The following ATP5PB variants were observed in gnomAD, a reference collection of about 807,000 sequenced individuals.
ATP5PB encodes ATP synthase peripheral stalk-membrane subunit b.
In ATP5PB, 21 loss-of-function variants were observed where a neutral mutation model predicts 34.5. The ratio of observed to expected loss-of-function variants is 0.61; its 90% CI spans 0.43 to 0.88. The LOEUF (loss-of-function observed/expected upper bound fraction) is 0.88. Among genes scored for constraint, ATP5PB ranks in the 40% least tolerant of loss-of-function variants. The pLI is 0.00. For missense variants in ATP5PB, 293 were observed against 317.4 expected (o/e 0.92, Z 0.58); for synonymous variants, 108 against 114.1 (o/e 0.95, Z 0.34).
In ATP5PB at chr1:111,461,169, G is replaced by A; in HGVS notation, c.*175G>A. The A allele has an allele frequency of 1.8e-6, 1 of 561,202 alleles. No homozygotes were observed. The highest frequency in any genetic ancestry group is 2.1e-5 in the South Asian group (1 of 46,596). The allele number at this position is 561,202 out of a possible 1,614,324, so 34.8% of individuals were successfully genotyped here. A position where few individuals can be genotyped will look rare whatever the true frequency, so the allele number is the denominator to read the frequency against. Reference sequence around the variant, plus strand: ...CGAAATCTCTATCGGCCAGTCAGATGTTTCTCATCCTTCTTGCTCTGCCTT... The same window carrying A: ...CGAAATCTCTATCGGCCAGTCAGATATTTCTCATCCTTCTTGCTCTGCCTT... On this transcript the variant is annotated 3_prime_UTR_variant, in exon 7 of 7. Transcript: ENST00000369722.
At chr1:111,460,805 C>A in intron 6 of ATP5PB, 112 bp from the exon 7 acceptor site, 1 of 784,546 alleles carries the variant, frequency 1.3e-6, no homozygotes, top group Non-Finnish European at 2.1e-6. Flanking sequence ...AGCCAGTAAT[C>A]ATCTTGAGGT....
At chr1:111,459,866 C>T (rs867702329) in intron 6 of ATP5PB, among the ~76,000 whole-genome samples, 58 of 152,080 alleles carry the variant, frequency 3.8e-4, no homozygotes, top group African/African-American at 1.4e-3. Flanking sequence ...TATTTAATTT[C>T]TCTATAAAAT....
In ATP5PB at chr1:111,455,168, C is replaced by T. The variant is rs374407980; in HGVS notation, c.223+812C>T. Among the ~76,000 whole-genome samples the T allele has an allele frequency of 2.0e-5, 3 of 151,808 alleles. No individual in the cohort carries two copies. In the South Asian group the frequency reaches 6.2e-4, roughly 32 times the overall value. ...AACCGAAGATTGTTTTTTTTTTAGC[C>T]CTGGAGTCACCTAAAGTAGCATTTT... On this transcript the variant is annotated intron_variant, in intron 3 of 6. Transcript: ENST00000369722.
At chr1:111,450,633 G>A (rs1038782580) in intron 2 of ATP5PB, among the ~76,000 whole-genome samples, 6 of 152,146 alleles carry the variant, frequency 3.9e-5, no homozygotes, top group Non-Finnish European at 5.9e-5. Context: ...AGCTGTTACC[G>A]TTAAAATTGT....
chr1:111,459,326 A>G (rs1653554994), intron 5 of ATP5PB, 131 bp from the exon 6 acceptor site: 1 of 819,324 alleles, frequency 1.2e-6, no homozygotes, highest in Non-Finnish European at 1.8e-6. Context: ...CTAGGTACAT[A>G]TTACCTATTA....
chr1:111,460,359 C>G (rs561036635), intron 6 of ATP5PB, among the ~76,000 whole-genome samples: 293 of 144,398 alleles, frequency 2.0e-3, no homozygotes, highest in Non-Finnish European at 3.5e-3. Flanking sequence ...TTTTCTTTCT[C>G]GAGTTTATAA....
intron 5 of ATP5PB, among the ~76,000 whole-genome samples, chr1:111,457,355 G>C (rs1481118336): frequency 6.8e-6 from 1 of 147,198 alleles, no homozygotes; most frequent in Non-Finnish European, 1.5e-5. Flanking sequence ...AACAAATTCA[G>C]ATAGCAGTAG....
At chr1:111,453,760 A>C (rs1179928654) in intron 2 of ATP5PB, among the ~76,000 whole-genome samples, 1 of 152,194 alleles carries the variant, frequency 6.6e-6, no homozygotes, top group Admixed American at 6.5e-5. Flanking sequence ...TATTAACTCA[A>C]TTAATCCTCT....
intron 6 of ATP5PB, 68 bp downstream of exon 6, chr1:111,459,704 G>A: frequency 6.6e-7 from 1 of 1,509,482 alleles, no homozygotes; most frequent in Non-Finnish European, 9.0e-7. Context: ...CTGATGTTTT[G>A]TTAAGGTAGG....
chr1:111,451,066 ATTC>A, intron 2 of ATP5PB, among the ~76,000 whole-genome samples: 1 of 152,114 alleles, frequency 6.6e-6, no homozygotes, highest in Non-Finnish European at 1.5e-5. Context: ...TTGCATCTCT[ATTC>A]TTGTCCCATT....
At chr1:111,454,656 T>TGG (rs1653420903) in intron 3 of ATP5PB, among the ~76,000 whole-genome samples, 1 of 152,132 alleles carries the variant, frequency 6.6e-6, no homozygotes, top group African/African-American at 2.4e-5. Flanking sequence ...TAGCCCAGGC[T>TGG]GGTCTCCAAC....
chr1:111,455,776 C>T (rs1201176339), intron 3 of ATP5PB, among the ~76,000 whole-genome samples: 3 of 152,130 alleles, frequency 2.0e-5, no homozygotes, highest in African/African-American at 4.8e-5. Flanking sequence ...GGGTATTGTG[C>T]TTAACATTAT....
chr1:111,456,372 G>GT, intron 4 of ATP5PB, 123 bp downstream of exon 4: 1 of 1,171,748 alleles, frequency 8.5e-7, no homozygotes, highest in Non-Finnish European at 1.2e-6. Context: ...CTTCAAATAA[G>GT]TGTTAACGTT....
chr1:111,459,892 C>A lies in ATP5PB; in HGVS notation c.693+256C>A, dbSNP rs530359075. Reference sequence around the variant, plus strand: ...TCTATAAAATAGACTGGGCTGGGCACGGTGGCTCACACCTGTAATCCCAAC... The same window carrying A: ...TCTATAAAATAGACTGGGCTGGGCAAGGTGGCTCACACCTGTAATCCCAAC... On this transcript the variant is annotated intron_variant, in intron 6 of 6. Coordinates refer to ENST00000369722, the MANE Select transcript of ATP5PB (RefSeq NM_001688.5). 7.2e-5 allele frequency among the ~76,000 whole-genome samples: 11 copies of A among 152,098 alleles called. 1 individual carries two copies. The highest frequency in any genetic ancestry group is 8.8e-5 in the Non-Finnish European group (6 of 68,014).
chr1:111,459,975 G>A (rs1280567523), intron 6 of ATP5PB, among the ~76,000 whole-genome samples: 1 of 152,128 alleles, frequency 6.6e-6, no homozygotes, highest in Non-Finnish European at 1.5e-5. Context: ...GACCAACCTG[G>A]GCAACATAGC....
At chr1:111,454,151 T>TCC in intron 2 of ATP5PB, 60 bp from the exon 3 acceptor site, 1 of 1,440,798 alleles carries the variant, frequency 6.9e-7, no homozygotes, top group Non-Finnish European at 9.2e-7. Flanking sequence ...TGCTCATTAT[T>TCC]CATACACTGT....
chr1:111,451,120 C>T lies in ATP5PB; in HGVS notation c.77+1247C>T, dbSNP rs190595679. Among the ~76,000 whole-genome samples, 180 of 152,224 alleles carry T rather than the reference C, an allele frequency of 1.2e-3. 1 individual carries two copies. The highest frequency in any genetic ancestry group is 4.0e-3 in the African/African-American group (168 of 41,532). ...AATAGCCAGGAGGATTATGTCAATCCCCCACCAAGGCCTTCCAGAGCTCCC... is the reference window on the plus strand; with the variant it reads ...AATAGCCAGGAGGATTATGTCAATCTCCCACCAAGGCCTTCCAGAGCTCCC... On this transcript the variant is annotated intron_variant, in intron 2 of 6. Transcript: ENST00000369722.
At position 111,449,574 on chromosome 1, in the gene ATP5PB, C is replaced by T. The variant is rs1336715151; in HGVS notation, c.33C>T (p.Ala11=). 2 of 1,609,000 alleles carry T rather than the reference C, an allele frequency of 1.2e-6. No homozygotes were observed. Among genetic ancestry groups the T allele is most frequent in the South Asian group, 2.2e-5 (2 of 90,404 alleles). ...CCCGGGTGGTACTTTCCGCCGCCGC[C>T]ACAGCGGGTAAGGGGTATAGACCCT... The part of the protein sequence containing the change: MLSRVVLSAA[A]TAAPSLKNAA... The change falls in exon 1 of 7, where the codon GCC becomes GCT. Residue 11 remains alanine (A), a synonymous_variant. Coordinates refer to ENST00000369722, the MANE Select transcript of ATP5PB (RefSeq NM_001688.5).
Position 111,450,295 on chromosome 1 carries a change from ACAAT to A in ATP5PB, c.77+425_77+428del, listed in dbSNP as rs914912328. ...ACCTAGTTTTTGCTGCCATATGATAACAATCAGAGAAATCATTCATTGATTCAGT... is the reference window on the plus strand; with the variant it reads ...ACCTAGTTTTTGCTGCCATATGATAACAGAGAAATCATTCATTGATTCAGT... On this transcript the variant is annotated intron_variant, in intron 2 of 6. Transcript: ENST00000369722. 1.2e-3 allele frequency among the ~76,000 whole-genome samples: 181 copies of A among 152,346 alleles called. 1 individual carries two copies. Among genetic ancestry groups the A allele is most frequent in the African/African-American group, 4.1e-3 (169 of 41,580 alleles).
Sources: gnomAD v4.1 joint callset for allele counts (sites outside exome capture counted in the v4.1 genomes callset) on GRCh38, gnomAD v4.1.1 for gene constraint, MANE v1.5 for transcripts, NCBI Gene and HGNC (gene_info 2026-07-23, HGNC 2026-07-21) for gene names.